FLT3: variants seen among roughly 807,000 people sequenced by gnomAD.
FLT3 encodes the protein fms related receptor tyrosine kinase 3, also known as receptor-type tyrosine-protein kinase FLT3.
FLT3 carries 46 observed loss-of-function variants against 126.6 expected under a neutral mutation model. That is an observed-to-expected ratio of 0.36 (90% confidence interval 0.29 to 0.46). The LOEUF is 0.46. FLT3 is among the 20% of genes least tolerant of loss of function. The pLI is 1.00. For missense variants in FLT3, 1,069 were observed against 1,190.3 expected (o/e 0.90, Z 1.50); for synonymous variants, 404 against 434.4 (o/e 0.93, Z 0.87).
At chr13:28,026,990 C>T (rs1392681340) in intron 17 of FLT3, 98 bp downstream of exon 17, 11 of 1,013,540 alleles carry the variant, frequency 1.1e-5, no homozygotes, top group East Asian at 4.8e-5. Context: ...ACAGACTTCA[C>T]GGTGCCTTTA....
In FLT3 at chr13:28,022,775, C is replaced by T. The variant is rs562970411; in HGVS notation, c.2418+575G>A. Reference sequence around the variant, plus strand: ...AGACATTTGAAATCACAGAGAACAGCGGGTGGAAAGGCAGTTCAAAAAGAG... The same window carrying T: ...AGACATTTGAAATCACAGAGAACAGTGGGTGGAAAGGCAGTTCAAAAAGAG... On this transcript the variant is annotated intron_variant, in intron 19 of 23. Transcript: ENST00000241453. Among the ~76,000 whole-genome samples, 16 of 152,146 alleles carry T rather than the reference C, an allele frequency of 1.1e-4. 1 individual carries two copies. The highest frequency in any genetic ancestry group is 6.5e-4 in the Admixed American group (10 of 15,286).
intron 15 of FLT3, among the ~76,000 whole-genome samples, chr13:28,031,040 C>T (rs1354788236): frequency 6.6e-6 from 1 of 152,118 alleles, no homozygotes; most frequent in African/African-American, 2.4e-5. Flanking sequence ...TCCTGGCTAA[C>T]ACGGTGAAAC....
intron 9 of FLT3, among the ~76,000 whole-genome samples, chr13:28,044,961 T>C (rs1392821056): frequency 2.6e-5 from 4 of 152,218 alleles, no homozygotes; most frequent in South Asian, 4.1e-4. Flanking sequence ...GCATACCTAT[T>C]CTTAGAGTTT....
At chr13:28,014,903 T>C (rs1472873053) in intron 22 of FLT3, among the ~76,000 whole-genome samples, 1 of 152,138 alleles carries the variant, frequency 6.6e-6, no homozygotes, top group Admixed American at 6.5e-5. Context: ...CTTTTTAAAA[T>C]GGAATCAGAC....
intron 4 of FLT3, among the ~76,000 whole-genome samples, chr13:28,053,397 G>GATATATATATATATATATATATAT (rs10522717): frequency 0.01 from 1,406 of 134,360 alleles, 69 homozygotes; most frequent in African/African-American, 0.038. Flanking sequence ...TGTACTGTTT[G>GATATATATATATATATATATATAT]ATATATATAT....
At chr13:28,080,662 T>C (rs1444870350) in intron 1 of FLT3, among the ~76,000 whole-genome samples, 1 of 152,216 alleles carries the variant, frequency 6.6e-6, no homozygotes, top group Non-Finnish European at 1.5e-5. Context: ...CTTGAAGATG[T>C]CCAATTTATC....
intron 1 of FLT3, among the ~76,000 whole-genome samples, chr13:28,074,113 G>A (rs1270872245): frequency 6.6e-6 from 1 of 151,980 alleles, no homozygotes; most frequent in Non-Finnish European, 1.5e-5. Context: ...ATTATAGACT[G>A]GTTTGAATTT....
At chr13:28,096,487 A>G (rs1393226719) in intron 1 of FLT3, among the ~76,000 whole-genome samples, 1 of 151,680 alleles carries the variant, frequency 6.6e-6, no homozygotes, top group Admixed American at 6.6e-5. Flanking sequence ...CCAAGGGTAT[A>G]GTGCAATGGC....
At chr13:28,075,737 T>A (rs1473578148) in intron 1 of FLT3, among the ~76,000 whole-genome samples, 1 of 69,600 alleles carries the variant, frequency 1.4e-5, no homozygotes, top group African/African-American at 3.2e-5. Context: ...AAAAAAAAAA[T>A]GGATGCATCA....
At chr13:28,090,184 G>T (rs1051259042) in intron 1 of FLT3, among the ~76,000 whole-genome samples, 1 of 151,602 alleles carries the variant, frequency 6.6e-6, no homozygotes, top group Non-Finnish European at 1.5e-5. Flanking sequence ...GGGATTACAG[G>T]CGTGCATCAC....
intron 1 of FLT3, among the ~76,000 whole-genome samples, chr13:28,092,379 T>A (rs1457239443): frequency 6.6e-6 from 1 of 151,980 alleles, no homozygotes; most frequent in East Asian, 1.9e-4. Context: ...TTTTGACTGT[T>A]TTTTTTAGAT....
intron 9 of FLT3, among the ~76,000 whole-genome samples, chr13:28,043,349 A>G (rs550617598): frequency 6.6e-6 from 1 of 152,312 alleles, no homozygotes; most frequent in South Asian, 2.1e-4. Flanking sequence ...ATAATTTAAT[A>G]AAACATAAAG....
chr13:28,039,893 A>G (rs1056266041), intron 9 of FLT3, among the ~76,000 whole-genome samples: 11 of 151,454 alleles, frequency 7.3e-5, no homozygotes, highest in African/African-American at 2.7e-4. Flanking sequence ...GGGTCTCACT[A>G]TGTTGCCCAG....
At chr13:28,043,037 C>T (rs966516692) in intron 9 of FLT3, among the ~76,000 whole-genome samples, 2 of 151,980 alleles carry the variant, frequency 1.3e-5, no homozygotes, top group Admixed American at 1.3e-4. Flanking sequence ...CTGTTTACCC[C>T]GTAAGCACTC....
chr13:28,091,960 C>T (rs893487673), intron 1 of FLT3, among the ~76,000 whole-genome samples: 9 of 152,106 alleles, frequency 5.9e-5, no homozygotes, highest in Admixed American at 6.5e-5. Flanking sequence ...GTCCCAGCTA[C>T]TCGGGAGGCT....
intron 2 of FLT3, among the ~76,000 whole-genome samples, chr13:28,065,080 A>G (rs1283796752): frequency 6.6e-6 from 1 of 152,198 alleles, no homozygotes; most frequent in African/African-American, 2.4e-5. Flanking sequence ...CTAGGTGCAA[A>G]AAGTATCTAC....
chr13:28,035,373 C>A, intron 12 of FLT3, 122 bp downstream of exon 12: 14 of 908,278 alleles, frequency 1.5e-5, no homozygotes, highest in Non-Finnish European at 2.0e-5. Flanking sequence ...ACTCAAGAAA[C>A]CTTTTCTCAC....
intron 18 of FLT3, among the ~76,000 whole-genome samples, chr13:28,023,937 T>A (rs1277386440): frequency 6.6e-6 from 1 of 151,716 alleles, no homozygotes; most frequent in Non-Finnish European, 1.5e-5. Context: ...TAATTTTTTG[T>A]ATTTTTAGTA....
intron 3 of FLT3, among the ~76,000 whole-genome samples, chr13:28,059,787 C>T (rs1876370612): frequency 6.6e-6 from 1 of 151,664 alleles, no homozygotes; most frequent in Non-Finnish European, 1.5e-5. Context: ...TGGTGAAACC[C>T]CACCGCTATT....
Sources: gnomAD v4.1 joint callset for allele counts (sites outside exome capture counted in the v4.1 genomes callset) on GRCh38, gnomAD v4.1.1 for gene constraint, MANE v1.5 for transcripts, NCBI Gene and HGNC (gene_info 2026-07-23, HGNC 2026-07-21) for gene names.